The following AKAP6 variants were observed in gnomAD, a reference collection of about 807,000 sequenced individuals.
The protein encoded by AKAP6 is A-kinase anchoring protein 6.
AKAP6 carries 58 observed loss-of-function variants against 188.5 expected under a neutral mutation model. That is an observed-to-expected ratio of 0.31 (90% CI 0.25 to 0.38). The LOEUF (loss-of-function observed/expected upper bound fraction) is 0.38, where lower values mean the gene tolerates loss of function less well. AKAP6 is among the 10% of genes least tolerant of loss of function. The pLI, the probability that AKAP6 is intolerant of heterozygous loss-of-function variation, is 1.00. For synonymous variants in AKAP6, 989 were observed against 998.6 expected (o/e 0.99, Z 0.18); for missense variants, 2,710 against 2,740.0 (o/e 0.99, Z 0.24).
chr14:32,466,332 C>T (rs1047281800), intron 2 of AKAP6, among the ~76,000 whole-genome samples: 3 of 152,118 alleles, frequency 2.0e-5, no homozygotes, highest in Non-Finnish European at 4.4e-5. Flanking sequence ...AACCCAAATG[C>T]TCATCAGTGA....
Position 32,742,644 on chromosome 14 carries a change from G to A in AKAP6, c.3372+6762G>A, listed in dbSNP as rs916980233. Among the ~76,000 whole-genome samples, 5 of 151,922 alleles carry A rather than the reference G, an allele frequency of 3.3e-5. No individual in the cohort carries two copies. In the East Asian group the frequency reaches 5.8e-4, roughly 18 times the overall value. Reference sequence around the variant, plus strand: ...ATTGACCCATTGGTCATTCAGGAGTGTATTGTTTAATTTCCTTGTGTTTGT... The same window carrying A: ...ATTGACCCATTGGTCATTCAGGAGTATATTGTTTAATTTCCTTGTGTTTGT... On this transcript the variant is annotated intron_variant, in intron 11 of 13. Transcript: ENST00000280979.
At chr14:32,344,198 A>G (rs1886990686) in intron 1 of AKAP6, among the ~76,000 whole-genome samples, 1 of 152,214 alleles carries the variant, frequency 6.6e-6, no homozygotes, top group African/African-American at 2.4e-5. Context: ...GCCATGTCCC[A>G]TGATCCATCC....
intron 9 of AKAP6, among the ~76,000 whole-genome samples, chr14:32,712,348 T>C (rs981183582): frequency 2.6e-4 from 39 of 152,070 alleles, no homozygotes; most frequent in African/African-American, 8.2e-4. Flanking sequence ...TGTTGATGGC[T>C]ACCGACTAAT....
At chr14:32,709,482 A>AAT (rs1890951355) in intron 9 of AKAP6, among the ~76,000 whole-genome samples, 1 of 151,972 alleles carries the variant, frequency 6.6e-6, no homozygotes, top group African/African-American at 2.4e-5. Context: ...TCTTCTCCTG[A>AAT]ATATTCCAAA....
chr14:32,388,971 C>A (rs1268304999), intron 1 of AKAP6, among the ~76,000 whole-genome samples: 3 of 151,924 alleles, frequency 2.0e-5, no homozygotes, highest in Admixed American at 6.6e-5. Context: ...CCCACTATTA[C>A]TGTGTTGCTG....
intron 12 of AKAP6, among the ~76,000 whole-genome samples, chr14:32,787,086 T>C (rs2033445057): frequency 6.6e-6 from 1 of 152,232 alleles, no homozygotes; most frequent in African/African-American, 2.4e-5. Flanking sequence ...GGTGTCACTT[T>C]GCATCAATGT....
At chr14:32,769,368 T>C (rs1166546259) in intron 11 of AKAP6, among the ~76,000 whole-genome samples, 4 of 152,024 alleles carry the variant, frequency 2.6e-5, no homozygotes, top group African/African-American at 9.7e-5. Flanking sequence ...ATATTTAAAC[T>C]AGAAGTCACC....
At chr14:32,445,634 C>T (rs559251611) in intron 2 of AKAP6, among the ~76,000 whole-genome samples, 1 of 152,230 alleles carries the variant, frequency 6.6e-6, no homozygotes, top group African/African-American at 2.4e-5. Context: ...GCTTTGGCCT[C>T]CCAAAATGCT....
chr14:32,670,022 A>G (rs1012541218), intron 7 of AKAP6, among the ~76,000 whole-genome samples: 5 of 151,286 alleles, frequency 3.3e-5, no homozygotes, highest in African/African-American at 7.3e-5. Context: ...GCTTGATCCC[A>G]GGAGGCTGAG....
intron 7 of AKAP6, among the ~76,000 whole-genome samples, chr14:32,677,717 A>G (rs1368860828): frequency 6.6e-6 from 1 of 152,222 alleles, no homozygotes; most frequent in African/African-American, 2.4e-5. Flanking sequence ...CTCCTTTACT[A>G]CAGTGAGCCC....
intron 4 of AKAP6, among the ~76,000 whole-genome samples, chr14:32,570,418 A>G (rs1162862151): frequency 6.6e-6 from 1 of 151,912 alleles, no homozygotes; most frequent in East Asian, 1.9e-4. Flanking sequence ...CTGGGATTAC[A>G]GGTGTGAGCC....
intron 9 of AKAP6, among the ~76,000 whole-genome samples, chr14:32,703,190 G>C (rs1384274675): frequency 6.6e-6 from 1 of 152,112 alleles, no homozygotes; most frequent in Non-Finnish European, 1.5e-5. Flanking sequence ...GGCGGGGAGA[G>C]GGGGGCTTGG....
At chr14:32,426,525 C>T (rs1281472115) in intron 1 of AKAP6, among the ~76,000 whole-genome samples, 2 of 152,098 alleles carry the variant, frequency 1.3e-5, no homozygotes. Context: ...AACAACTGTA[C>T]AAATTATATA....
intron 2 of AKAP6, among the ~76,000 whole-genome samples, chr14:32,524,871 A>T (rs1000586003): frequency 6.6e-6 from 1 of 152,204 alleles, no homozygotes; most frequent in Non-Finnish European, 1.5e-5. Flanking sequence ...CATGATGGCC[A>T]TCACATGCTT....
At chr14:32,402,587 C>A (rs1028929251) in intron 1 of AKAP6, among the ~76,000 whole-genome samples, 1 of 152,172 alleles carries the variant, frequency 6.6e-6, no homozygotes, top group Non-Finnish European at 1.5e-5. Flanking sequence ...AATGTCCCTA[C>A]TCTTGTCTTA....
chr14:32,676,934 A>G (rs1238946882), intron 7 of AKAP6, among the ~76,000 whole-genome samples: 2 of 152,130 alleles, frequency 1.3e-5, no homozygotes, highest in African/African-American at 2.4e-5. Flanking sequence ...CCCAGGTACA[A>G]GTGATTCTCC....
intron 7 of AKAP6, among the ~76,000 whole-genome samples, chr14:32,608,676 A>G (rs1020337222): frequency 6.6e-5 from 10 of 152,096 alleles, no homozygotes; most frequent in East Asian, 1.9e-4. Context: ...CTTTTTTCCT[A>G]TTTAGTCCAA....
Position 32,773,751 on chromosome 14 carries a change from A to G in AKAP6, c.3446A>G (p.Asp1149Gly). ...CTGCGACTATGCCAGCATCTTTTGGATGACCGGGAGACTTGCAATCTGAAT... is the reference window on the plus strand; with the variant it reads ...CTGCGACTATGCCAGCATCTTTTGGGTGACCGGGAGACTTGCAATCTGAAT... ...SILRLCQHLL[D>G]DRETCNLNAD... Residue 1149 changes from aspartate to glycine, a missense_variant, in exon 12 of 14, where the codon GAT (aspartate) becomes GGT (glycine). Physicochemically the swap from Asp to Gly is moderately conservative, Grantham distance 94. Transcript: ENST00000280979. 6.2e-7 allele frequency: 1 copy of G among 1,614,124 alleles called. No individual in the cohort carries two copies. Among genetic ancestry groups the G allele is most frequent in the Non-Finnish European group, 8.5e-7 (1 of 1,179,994 alleles).
rs146088347 is a variant in AKAP6 at position 32,664,809 on chromosome 14, C to T, written c.2731-13502C>T. ...ACATGGTCTACTCCTGTCTGAGATC[C>T]AGACCCCTAGGAACTGGACCAGGAT... On this transcript the variant is annotated intron_variant, in intron 7 of 13. Transcript: ENST00000280979. 4.3e-3 allele frequency among the ~76,000 whole-genome samples: 659 copies of T among 152,176 alleles called. 8 individuals carry two copies. The highest frequency in any genetic ancestry group is 0.029 in the Admixed American group (449 of 15,258).
Sources: gnomAD v4.1 joint callset for allele counts (sites outside exome capture counted in the v4.1 genomes callset) on GRCh38, gnomAD v4.1.1 for gene constraint, MANE v1.5 for transcripts, NCBI Gene and HGNC (gene_info 2026-07-23, HGNC 2026-07-21) for gene names.